Variants in TXNDC2 observed in about 807,000 individuals in gnomAD.
TXNDC2 encodes thioredoxin domain containing 2, also known as thioredoxin domain-containing protein 2.
A neutral mutation model predicts 0.4 loss-of-function variants in TXNDC2; 1 was observed. That is an observed-to-expected ratio of 2.30 (90% CI 0.82 to 10.89). The LOEUF (loss-of-function observed/expected upper bound fraction) is 10.89, where lower values mean the gene tolerates loss of function less well. Among genes scored for constraint, TXNDC2 ranks in the 30% most tolerant of loss-of-function variants. TXNDC2 has a pLI of 0.12. For missense variants in TXNDC2, 509 were observed against 579.8 expected, an observed-to-expected ratio of 0.88 and a Z score of 1.25; for synonymous variants, 183 against 224.6, an observed-to-expected ratio of 0.81 and a Z score of 1.66.
intron 1 of TXNDC2, 63 bp downstream of exon 1, chr18:9,886,143 C>T: frequency 2.5e-6 from 4 of 1,594,278 alleles, no homozygotes; most frequent in East Asian, 2.2e-5. Flanking sequence ...AGGGTACGGC[C>T]TTTACTATGA....
Position 9,888,210 on chromosome 18 carries a change from A to G in TXNDC2, c.*69A>G. ...TTTTGAGTTCTCTTTTATTATTTAC[A>G]CAAAGTGATCAGGTATAACAAAAGT... On this transcript the variant is annotated 3_prime_UTR_variant, in exon 2 of 2. Transcript: ENST00000357775. 2 of 1,283,640 alleles carry G rather than the reference A, an allele frequency of 1.6e-6. No individual in the cohort carries two copies. The allele number at this position is 1,283,640 out of a possible 1,614,324, so 79.5% of individuals were successfully genotyped here.
chr18:9,886,549 ATTTAT>A (rs200465584), intron 1 of TXNDC2, 35 bp from the exon 2 acceptor site: 333 of 1,417,736 alleles, frequency 2.3e-4, no homozygotes, highest in Non-Finnish European at 2.8e-4. Context: ...TTTCTATTTG[ATTTAT>A]TTTATTTTAT....
chr18:9,886,700 A>C lies in TXNDC2; in HGVS notation c.20A>C (p.His7Pro), dbSNP rs1238083103. MVSHTF[H>P]MRTEESDASQ... ...CTCCCCATGGTCAGCCACACGTTCC[A>C]CATGCGCACAGAGGAGTCTGATGCC... The change falls in exon 2 of 2, where the codon CAC becomes CCC. Residue 7 changes from histidine to proline, a missense_variant. By Grantham distance (77) the His-to-Pro change is moderately conservative. Transcript: ENST00000357775. 1 of 1,613,980 alleles carries C rather than the reference A, an allele frequency of 6.2e-7. No homozygotes were observed. The highest frequency in any genetic ancestry group is 2.2e-5 in the East Asian group (1 of 44,882).
At chr18:9,886,409 G>A (rs377387472) in intron 1 of TXNDC2, 180 bp from the exon 2 acceptor site, 12 of 978,974 alleles carry the variant, frequency 1.2e-5, no homozygotes, top group Middle Eastern at 5.7e-4. Flanking sequence ...GTAACCACAC[G>A]CTGTTTGTCC....
Position 9,888,037 on chromosome 18 carries a change from A to G in TXNDC2, c.1357A>G (p.Met453Val), listed in dbSNP as rs763085495. The G allele has an allele frequency of 3.1e-6, 5 of 1,614,048 alleles. No homozygotes were observed. The East Asian group carries it at 8.9e-5, about 29-fold the overall frequency. Residue 453 changes from methionine to valine, a missense_variant, in exon 2 of 2, where the codon ATG becomes GTG. Around this residue, in one of 5 missense-constraint regions of TXNDC2, gnomAD observed 229 missense variants for 243.8 expected, o/e 0.94. Coordinates refer to ENST00000357775, the MANE Select transcript of TXNDC2 (RefSeq NM_032243.6). ...CEEVVRECAIMCVPTFQFYKK... is the reference protein window; with the variant it reads ...CEEVVRECAIVCVPTFQFYKK... ...GGAGGTGGTGAGAGAGTGCGCCATC[A>G]TGTGTGTCCCAACCTTTCAGTTTTA...
chr18:9,888,029 G>A lies in TXNDC2; in HGVS notation c.1349G>A (p.Cys450Tyr), dbSNP rs777125030. Reference sequence around the variant, plus strand: ...AACTGTGAGGAGGTGGTGAGAGAGTGCGCCATCATGTGTGTCCCAACCTTT... The same window carrying A: ...AACTGTGAGGAGGTGGTGAGAGAGTACGCCATCATGTGTGTCCCAACCTTT... ...ADNCEEVVRE[C>Y]AIMCVPTFQF... Residue 450 changes from cysteine to tyrosine, a missense_variant, in exon 2 of 2, where the codon TGC (cysteine) becomes TAC (tyrosine). Around this residue, in one of 5 missense-constraint regions of TXNDC2, gnomAD observed 229 missense variants for 243.8 expected, o/e 0.94. Transcript: ENST00000357775. 3.1e-6 allele frequency: 5 copies of A among 1,614,194 alleles called. No individual in the cohort carries two copies. The South Asian group carries it at 5.5e-5, about 18-fold the overall frequency.
rs2068946127 is a variant in TXNDC2, at chr18:9,885,973, A to G, written c.-200A>G. ...TTGTTGTGTTCTAGGAAATGATGCC[A>G]GTGAATGCGTAGTCCCAGCCTCAGC... is the stretch of plus-strand genomic sequence containing the variant. On this transcript the variant is annotated 5_prime_UTR_variant, in exon 1 of 2. Transcript: ENST00000357775. 2 of 515,208 alleles carry G rather than the reference A, an allele frequency of 3.9e-6. No individual in the cohort carries two copies. Among genetic ancestry groups the G allele is most frequent in the African/African-American group, 1.9e-5 (1 of 51,946 alleles). 31.9% of individuals were successfully genotyped at this position (515,208 alleles called of 1,614,324 possible).
chr18:9,886,856 C>A lies in TXNDC2; in HGVS notation c.176C>A (p.Thr59Asn). Reference protein sequence around the residue: ...EGDIPKAPEETIQSKKEDLPK... With the variant: ...EGDIPKAPEENIQSKKEDLPK... ...GACATCCCCAAGGCCCCAGAAGAAA[C>A]CATCCAATCCAAGAAGGAGGACCTC... is the stretch of plus-strand genomic sequence containing the variant. The change falls in exon 2 of 2, where the codon ACC becomes AAC. Residue 59 changes from threonine to asparagine, a missense_variant. By Grantham distance (65) the Thr-to-Asn change is moderately conservative. This residue lies in a region of TXNDC2 where 187 missense variants were observed against 218.0 expected (regional missense o/e 0.86). Coordinates refer to ENST00000357775, the MANE Select transcript of TXNDC2 (RefSeq NM_032243.6). The A allele has an allele frequency of 6.2e-7, 1 of 1,605,552 alleles. No homozygotes were observed.
Position 9,888,321 on chromosome 18 carries a change from C to T in TXNDC2, c.*180C>T, listed in dbSNP as rs1374152717. The T allele has an allele frequency of 5.5e-6, 3 of 545,440 alleles. No individual in the cohort carries two copies. In the East Asian group the frequency reaches 8.5e-5, roughly 15 times the overall value. 33.8% of individuals were successfully genotyped at this position (545,440 alleles called of 1,614,324 possible). On this transcript the variant is annotated 3_prime_UTR_variant, in exon 2 of 2. Coordinates refer to ENST00000357775, the MANE Select transcript of TXNDC2 (RefSeq NM_032243.6). The stretch of plus-strand genomic sequence containing the variant: ...GTCCAAGCATTAAAGTACATTGCGA[C>T]TGTGTTTCTGTTAGTGGGAGAGTAT...
At position 9,887,528 on chromosome 18, in the gene TXNDC2, A is replaced by G; in HGVS notation, c.848A>G (p.Glu283Gly). The change falls in exon 2 of 2, where the codon GAA becomes GGA. Residue 283 changes from glutamate (E) to glycine (G), a missense_variant. Physicochemically the swap from Glu to Gly is moderately conservative, Grantham distance 98 (BLOSUM62 -2). This residue lies in a region of TXNDC2 where 15 missense variants were observed against 40.4 expected (regional missense o/e 0.37). Coordinates refer to ENST00000357775, the MANE Select transcript of TXNDC2 (RefSeq NM_032243.6). ...GGTGACATCCCCAAGTCCCCAGAAGAAACCATCCAGCCCAAGAAGGGTGAC... is the reference window on the plus strand; with the variant it reads ...GGTGACATCCCCAAGTCCCCAGAAGGAACCATCCAGCCCAAGAAGGGTGAC... ...KEGDIPKSPE[E>G]TIQPKKGDIP... The G allele has an allele frequency of 6.5e-7, 1 of 1,538,074 alleles. No homozygotes were observed. Among genetic ancestry groups the G allele is most frequent in the Non-Finnish European group, 8.8e-7 (1 of 1,135,040 alleles).
At position 9,886,575 on chromosome 18, in the gene TXNDC2, G is replaced by GT. The variant is rs77608008; in HGVS notation, c.-92-8dup. 1.9e-3 allele frequency: 1,828 copies of GT among 938,198 alleles called. 33 individuals carry two copies. Among genetic ancestry groups the GT allele is most frequent in the East Asian group, 0.015 (71 of 4,784 alleles). The allele number at this position is 938,198 out of a possible 1,614,324, so 58.1% of individuals were successfully genotyped here. A position where few individuals can be genotyped will look rare whatever the true frequency, so the allele number is the denominator to read the frequency against. On this transcript the variant is annotated splice_polypyrimidine_tract_variant and intron_variant, in intron 1 of 1. Coordinates refer to ENST00000357775, the MANE Select transcript of TXNDC2 (RefSeq NM_032243.6). ...TTTATTTTATTTTATTTTATTTTAT[G>GT]TTTTTTGGTACAGAAAGCTCATTAC... is the stretch of plus-strand genomic sequence containing the variant.
In TXNDC2 at chr18:9,886,361, A is replaced by G; in HGVS notation, c.-92-228A>G. 3 of 1,324,596 alleles carry G rather than the reference A, an allele frequency of 2.3e-6. No individual in the cohort carries two copies. In the East Asian group the frequency reaches 7.1e-5, roughly 31 times the overall value. 82.1% of individuals were successfully genotyped at this position (1,324,596 alleles called of 1,614,324 possible). On this transcript the variant is annotated intron_variant, in intron 1 of 1. Transcript: ENST00000357775. The stretch of plus-strand genomic sequence containing the variant: ...GGGCAGGGTGTTGAACCAAGAAGGG[A>G]AAGTTGTAGCTTAAGAACATGTATA...
rs1388646435 is a variant in TXNDC2 at position 9,888,902 on chromosome 18, TG to T, written c.*762del. On this transcript the variant is annotated 3_prime_UTR_variant, in exon 2 of 2. Transcript: ENST00000357775. Reference sequence around the variant, plus strand: ...AGTTCATAATACCTAGACCTTCCTCTGACTTTTTTACTTAAATTTGTTCTTA... The same window carrying T: ...AGTTCATAATACCTAGACCTTCCTCTACTTTTTTACTTAAATTTGTTCTTA... 6.6e-6 allele frequency: 1 copy of T among 152,214 alleles called. No individual in the cohort carries two copies. Among genetic ancestry groups the T allele is most frequent in the Non-Finnish European group, 1.5e-5 (1 of 68,042 alleles). The allele number at this position is 152,214 out of a possible 1,614,324, so 9.4% of individuals were successfully genotyped here. A position where few individuals can be genotyped will look rare whatever the true frequency, so the allele number is the denominator to read the frequency against.
chr18:9,886,954 C>A lies in TXNDC2; in HGVS notation c.274C>A (p.Pro92Thr), dbSNP rs1388503349. The change falls in exon 2 of 2, where the codon CCC becomes ACC. Residue 92 changes from proline to threonine, a missense_variant. Coordinates refer to ENST00000357775, the MANE Select transcript of TXNDC2 (RefSeq NM_032243.6). ...IPKSSAKPIQ[P>T]KLGNIPKASV... is the part of the protein sequence containing the mutation. ...CAAGTCCTCAGCAAAACCCATCCAG[C>A]CCAAGCTGGGCAATATTCCCAAGGC... is the stretch of plus-strand genomic sequence containing the variant. The A allele has an allele frequency of 6.2e-7, 1 of 1,612,020 alleles. No individual in the cohort carries two copies. Among genetic ancestry groups the A allele is most frequent in the African/African-American group, 1.3e-5 (1 of 74,680 alleles).
rs1347026544 is a variant in TXNDC2 at position 9,888,281 on chromosome 18, C to G, written c.*140C>G. The stretch of plus-strand genomic sequence containing the variant: ...TTGTACATGATAATATTAACTCTAC[C>G]CTTTTCAAAAAACAGTCCAAGCATT... On this transcript the variant is annotated 3_prime_UTR_variant, in exon 2 of 2. Coordinates refer to ENST00000357775, the MANE Select transcript of TXNDC2 (RefSeq NM_032243.6). 7.4e-6 allele frequency: 5 copies of G among 672,324 alleles called. No individual in the cohort carries two copies. The highest frequency in any genetic ancestry group is 9.6e-6 in the Non-Finnish European group (4 of 414,854). 41.6% of individuals were successfully genotyped at this position (672,324 alleles called of 1,614,324 possible).
intron 1 of TXNDC2, 25 bp from the exon 2 acceptor site, chr18:9,886,564 T>C (rs2068950562): frequency 6.8e-7 from 1 of 1,460,522 alleles, no homozygotes; most frequent in Non-Finnish European, 9.1e-7. Flanking sequence ...TTTTATTTTA[T>C]TTTATTTTAT....
In TXNDC2 at chr18:9,888,196, C is replaced by T; in HGVS notation, c.*55C>T. 7.2e-7 allele frequency: 1 copy of T among 1,392,052 alleles called. No homozygotes were observed. Among genetic ancestry groups the T allele is most frequent in the Admixed American group, 2.3e-5 (1 of 43,240 alleles). The allele number at this position is 1,392,052 out of a possible 1,614,324, so 86.2% of individuals were successfully genotyped here. On this transcript the variant is annotated 3_prime_UTR_variant, in exon 2 of 2. Coordinates refer to ENST00000357775, the MANE Select transcript of TXNDC2 (RefSeq NM_032243.6). Reference sequence around the variant, plus strand: ...CAGGTGTTTATAGCTTTTGAGTTCTCTTTTATTATTTACACAAAGTGATCA... The same window carrying T: ...CAGGTGTTTATAGCTTTTGAGTTCTTTTTTATTATTTACACAAAGTGATCA...
At chr18:9,886,306 T>A in intron 1 of TXNDC2, 3 of 1,601,864 alleles carry the variant, frequency 1.9e-6, no homozygotes, top group Non-Finnish European at 2.6e-6. Flanking sequence ...GGAAAGAGGG[T>A]TGCCTTAAAG....
intron 1 of TXNDC2, chr18:9,886,317 ACCTAT>A: frequency 6.3e-7 from 1 of 1,587,364 alleles, no homozygotes; most frequent in Non-Finnish European, 8.6e-7. Context: ...TGCCTTAAAG[ACCTAT>A]GCAGTTAGGG....
Sources: gnomAD v4.1 joint callset for allele counts on GRCh38, gnomAD v4.1.1 for gene constraint, gnomAD v4.1.1 regional missense constraint, MANE v1.5 for transcripts, NCBI Gene and HGNC (gene_info 2026-07-23, HGNC 2026-07-21) for gene names.